The following GSDMC variants were observed in gnomAD, a reference collection of about 807,000 sequenced individuals.
The protein encoded by GSDMC is gasdermin-C.
A neutral mutation model predicts 58.0 loss-of-function variants in GSDMC; 59 were observed. That is an observed-to-expected ratio of 1.02 (90% CI 0.82 to 1.26). GSDMC has a LOEUF of 1.26. GSDMC is among the 50% of genes most tolerant of loss of function. GSDMC has a pLI of 0.00. For synonymous variants in GSDMC, 241 were observed against 220.2 expected (o/e 1.09, Z -0.83); for missense variants, 659 against 598.5 (o/e 1.10, Z -1.06).
chr8:129,785,174 G>A (rs182019839), intron 1 of GSDMC, among the ~76,000 whole-genome samples: 1 of 152,218 alleles, frequency 6.6e-6, no homozygotes, highest in East Asian at 1.9e-4. Flanking sequence ...TTGCACTGTT[G>A]CACTCCAGCC....
At chr8:129,779,592 T>G (rs1207917553) in intron 1 of GSDMC, among the ~76,000 whole-genome samples, 1 of 151,680 alleles carries the variant, frequency 6.6e-6, no homozygotes, top group Non-Finnish European at 1.5e-5. Context: ...AACCTACACA[T>G]GTACCCCTGA....
Position 129,752,680 on chromosome 8 carries a change from AGTGAGCAATCACAGTACCTG to A in GSDMC, c.842_844+17del, listed in dbSNP as rs768593043. 6.2e-7 allele frequency: 1 copy of A among 1,613,822 alleles called. No homozygotes were observed. The highest frequency in any genetic ancestry group is 1.1e-5 in the South Asian group (1 of 91,004). On this transcript the variant is annotated splice_donor_variant and splice_donor_5th_base_variant and coding_sequence_variant and intron_variant, in exon 7 of 14. Coordinates refer to ENST00000276708, the MANE Select transcript of GSDMC (RefSeq NM_031415.3). LOFTEE classifies it high-confidence loss of function. ...AGCATCAACATAGAAGTAAAAATAA[AGTGAGCAATCACAGTACCTG>A]GTTTTAACTTCATATCATTGGATGA...
chr8:129,739,107 G>A, the GSDMC span, among the ~76,000 whole-genome samples: 1 of 152,050 alleles, frequency 6.6e-6, no homozygotes, highest in Non-Finnish European at 1.5e-5. Flanking sequence ...GTTTGATGTC[G>A]GTTTGCTGAA....
In GSDMC at chr8:129,762,840, C is replaced by G. The variant is rs1240609523; in HGVS notation, c.571-109G>C. 60 of 690,626 alleles carry G rather than the reference C, an allele frequency of 8.7e-5. 1 individual carries two copies. The Admixed American group carries it at 1.4e-3, about 16-fold the overall frequency. 42.8% of individuals were successfully genotyped at this position (690,626 alleles called of 1,614,324 possible). A position where few individuals can be genotyped will look rare whatever the true frequency, so the allele number is the denominator to read the frequency against. The stretch of plus-strand genomic sequence containing the variant: ...CATCAGCATTCCCTGCTCTCATCCT[C>G]CCTACTGCTGACTTCTGATTTCCAA... On this transcript the variant is annotated intron_variant, in intron 4 of 13. Coordinates refer to ENST00000276708, the MANE Select transcript of GSDMC (RefSeq NM_031415.3).
At chr8:129,716,078 G>A in the GSDMC span, among the ~76,000 whole-genome samples, 9 of 152,132 alleles carry the variant, frequency 5.9e-5, no homozygotes, top group South Asian at 8.3e-4. Flanking sequence ...TACTCATTCC[G>A]AAAGAAGGCA....
chr8:129,745,755 A>G (rs1240703131), downstream of GSDMC, among the ~76,000 whole-genome samples: 1 of 83,996 alleles, frequency 1.2e-5, no homozygotes, highest in Non-Finnish European at 2.0e-5. Context: ...CTCTGCAGCC[A>G]CAAAAGGAGG....
At chr8:129,715,337 G>T in the GSDMC span, among the ~76,000 whole-genome samples, 5 of 152,114 alleles carry the variant, frequency 3.3e-5, no homozygotes, top group South Asian at 2.1e-4. Context: ...TAACTTAACA[G>T]TGTCCCAGAA....
the GSDMC span, among the ~76,000 whole-genome samples, chr8:129,713,922 C>T: frequency 2.0e-5 from 3 of 152,096 alleles, no homozygotes; most frequent in African/African-American, 7.2e-5. Context: ...AACTAATGGC[C>T]TCGGGTGGAA....
chr8:129,771,017 T>A (rs187359162), intron 3 of GSDMC, among the ~76,000 whole-genome samples: 3,059 of 149,688 alleles, frequency 0.02, 47 homozygotes, highest in Non-Finnish European at 0.029. Flanking sequence ...ACACATTTTT[T>A]TATATATATA....
the GSDMC span, among the ~76,000 whole-genome samples, chr8:129,714,792 GAAT>G: frequency 6.6e-6 from 1 of 151,318 alleles, no homozygotes; most frequent in Non-Finnish European, 1.5e-5. Flanking sequence ...GGCTGAAGAG[GAAT>G]TATATCAAAA....
Position 129,776,154 on chromosome 8 carries a change from C to T in GSDMC, c.352G>A (p.Glu118Lys), listed in dbSNP as rs373440506. Residue 118 changes from glutamate (E) to lysine (K), a missense_variant, in exon 3 of 14, where the codon GAG becomes AAG. Glu to Lys is a moderately conservative substitution (Grantham distance 56). Coordinates refer to ENST00000276708, the MANE Select transcript of GSDMC (RefSeq NM_031415.3). Reference protein sequence around the residue: ...EASVDHGCSLEFQIVTIPSPN... With the variant: ...EASVDHGCSLKFQIVTIPSPN... ...GATGGGATGGTAACAATTTGAAACT[C>T]GAGGGAGCATCCATGGTCCACAGAG... The T allele has an allele frequency of 1.4e-5, 23 of 1,613,872 alleles. No homozygotes were observed. In the African/African-American group the frequency reaches 1.6e-4, roughly 11 times the overall value.
chr8:129,710,874 G>T, the GSDMC span, among the ~76,000 whole-genome samples: 1 of 152,208 alleles, frequency 6.6e-6, no homozygotes, highest in Non-Finnish European at 1.5e-5. Context: ...GGCTAATGAA[G>T]ACAGGGTCAC....
At chr8:129,705,678 G>A in the GSDMC span, 1 of 152,202 alleles carries the variant, frequency 6.6e-6, no homozygotes, top group South Asian at 2.1e-4. Flanking sequence ...CATGACACAT[G>A]GGGATTATGG....
intron 3 of GSDMC, among the ~76,000 whole-genome samples, chr8:129,775,576 T>C (rs1166278433): frequency 6.6e-6 from 1 of 152,170 alleles, no homozygotes; most frequent in Non-Finnish European, 1.5e-5. Flanking sequence ...TGTGGTCTTT[T>C]CACAATATAT....
chr8:129,784,369 A>G (rs2034497765), intron 1 of GSDMC, among the ~76,000 whole-genome samples: 1 of 152,180 alleles, frequency 6.6e-6, no homozygotes. Flanking sequence ...TAACCAGAAA[A>G]TATAAGGAGC....
At chr8:129,746,359 A>G (rs1338395928), downstream of GSDMC, among the ~76,000 whole-genome samples, 2 of 152,198 alleles carry the variant, frequency 1.3e-5, no homozygotes, top group African/African-American at 4.8e-5. Flanking sequence ...TATAGTTGAG[A>G]GTTGAGTTAT....
In GSDMC at chr8:129,760,543, A is replaced by G; in HGVS notation, c.721+2T>C. ...ATAAAAAGACCAGGCTTTGGAACTC[A>G]CCATCTTGAAAGGTTCTCTGTTCAT... On this transcript the variant is annotated splice_donor_variant, in intron 6 of 13. Coordinates refer to ENST00000276708, the MANE Select transcript of GSDMC (RefSeq NM_031415.3). LOFTEE classifies it high-confidence loss of function. 3.8e-6 allele frequency: 6 copies of G among 1,578,384 alleles called. No individual in the cohort carries two copies. The highest frequency in any genetic ancestry group is 5.2e-6 in the Non-Finnish European group (6 of 1,149,174).
chr8:129,719,800 C>T, the GSDMC span, among the ~76,000 whole-genome samples: 1 of 152,198 alleles, frequency 6.6e-6, no homozygotes, highest in Non-Finnish European at 1.5e-5. Flanking sequence ...CAAAGATTAG[C>T]CAGGTGTGGT....
At chr8:129,757,906 A>G (rs932624858) in intron 6 of GSDMC, among the ~76,000 whole-genome samples, 5 of 152,124 alleles carry the variant, frequency 3.3e-5, no homozygotes, top group African/African-American at 1.2e-4. Context: ...TGGGAGGATC[A>G]TTTGAGTATG....
Sources: allele counts gnomAD v4.1 joint callset (sites outside exome capture counted in the v4.1 genomes callset), GRCh38; gene constraint gnomAD v4.1.1; transcripts MANE v1.5; gene names NCBI Gene and HGNC (gene_info 2026-07-23, HGNC 2026-07-21).